WDR64: variants seen among roughly 807,000 people sequenced by gnomAD.
WDR64 encodes the protein WD repeat domain 64.
Under a neutral mutation model 139.3 loss-of-function variants are expected in WDR64, and 112 were observed. The observed-to-expected ratio is 0.80, with a 90% CI of 0.69 to 0.94. The LOEUF is 0.94. Ranked by LOEUF, WDR64 falls within the 40% of genes least tolerant of loss-of-function variation. The pLI is 0.00. For synonymous variants in WDR64, 444 were observed against 437.7 expected (o/e 1.01, Z -0.18); for missense variants, 1,206 against 1,293.1 (o/e 0.93, Z 1.03).
At chr1:241,716,203 A>G (rs537407908) in intron 9 of WDR64, among the ~76,000 whole-genome samples, 3 of 152,168 alleles carry the variant, frequency 2.0e-5, no homozygotes, top group African/African-American at 7.2e-5. Flanking sequence ...AATATACAAT[A>G]AAAGCAGCTT....
Position 241,659,484 on chromosome 1 carries a change from C to A in WDR64, c.146-1046C>A, listed in dbSNP as rs1014965115. ...CCTCTAGGTCTTTGAGGAATCACCA[C>A]ACTGTCTTCCACAATCGTTGAACTA... On this transcript the variant is annotated intron_variant, in intron 1 of 27. Transcript: ENST00000437684. 4.6e-5 allele frequency among the ~76,000 whole-genome samples: 7 copies of A among 152,222 alleles called. No individual in the cohort carries two copies. In the South Asian group the frequency reaches 1.2e-3, roughly 27 times the overall value.
chr1:241,707,687 G>A (rs1668003284), intron 8 of WDR64, among the ~76,000 whole-genome samples: 1 of 151,522 alleles, frequency 6.6e-6, no homozygotes, highest in Non-Finnish European at 1.5e-5. Flanking sequence ...TGTGCAGGCT[G>A]TGCCCCCCAC....
chr1:241,751,701 T>C (rs12131496), intron 14 of WDR64, among the ~76,000 whole-genome samples: 1,834 of 152,300 alleles, frequency 0.012, 22 homozygotes, highest in South Asian at 0.024. Context: ...AGAAAAACCC[T>C]TGTGCAACTG....
intron 9 of WDR64, among the ~76,000 whole-genome samples, chr1:241,721,066 G>A (rs1668590584): frequency 6.6e-6 from 1 of 152,140 alleles, no homozygotes; most frequent in Non-Finnish European, 1.5e-5. Flanking sequence ...TTTCCCCATT[G>A]CTTGTTTTGG....
chr1:241,782,407 CTAAA>C (rs1163612338), intron 22 of WDR64, among the ~76,000 whole-genome samples: 3 of 152,172 alleles, frequency 2.0e-5, no homozygotes, highest in Admixed American at 6.5e-5. Flanking sequence ...TTGTTAAAGC[CTAAA>C]TAAATAGAAG....
intron 6 of WDR64, among the ~76,000 whole-genome samples, chr1:241,682,852 C>A (rs1666861699): frequency 6.6e-6 from 1 of 152,188 alleles, no homozygotes; most frequent in Non-Finnish European, 1.5e-5. Flanking sequence ...AGTAGCTCTA[C>A]AAAGTCAGAA....
At chr1:241,766,738 G>A (rs992208157) in intron 16 of WDR64, among the ~76,000 whole-genome samples, 4 of 150,526 alleles carry the variant, frequency 2.7e-5, no homozygotes, top group Admixed American at 1.3e-4. Flanking sequence ...GGACAAAAAA[G>A]CAATACATAA....
At chr1:241,794,085 G>T (rs1484798947) in intron 25 of WDR64, among the ~76,000 whole-genome samples, 1 of 151,854 alleles carries the variant, frequency 6.6e-6, no homozygotes. Flanking sequence ...GGAGGCTGAG[G>T]CAGGAGAATC....
At chr1:241,696,750 A>G (rs987916639) in intron 8 of WDR64, among the ~76,000 whole-genome samples, 5 of 152,164 alleles carry the variant, frequency 3.3e-5, no homozygotes, top group Non-Finnish European at 7.4e-5. Flanking sequence ...TCTCATGGCC[A>G]TCTTGGGTTT....
intron 9 of WDR64, among the ~76,000 whole-genome samples, chr1:241,722,141 C>T (rs72768092): frequency 0.15 from 22,395 of 151,796 alleles, 2,079 homozygotes; most frequent in Middle Eastern, 0.33. Flanking sequence ...AATTTACAGA[C>T]GAAGAAGATA....
In WDR64 at chr1:241,656,955, G is replaced by A. The variant is rs554733884; in HGVS notation, c.146-3575G>A. On this transcript the variant is annotated intron_variant, in intron 1 of 27. Coordinates refer to ENST00000437684, the MANE Select transcript of WDR64 (RefSeq NM_001367482.1). The surrounding 1 kb of genome is among the most constrained non-coding windows in gnomAD (Gnocchi z 4.3). ...GAGGTGCAAAATCTCCCCTGCATAA[G>A]AACCACTGCTCTAGATTCCTGCCTT... 6.6e-6 allele frequency among the ~76,000 whole-genome samples: 1 copy of A among 150,930 alleles called. No individual in the cohort carries two copies. Among genetic ancestry groups the A allele is most frequent in the East Asian group, 2.0e-4 (1 of 5,116 alleles).
At chr1:241,675,062 T>TCCTTCCTGCCTCCCTC (rs1558465961) in intron 4 of WDR64, among the ~76,000 whole-genome samples, 2 of 14,412 alleles carry the variant, frequency 1.4e-4, no homozygotes, top group African/African-American at 5.0e-4. Context: ...TTTTCTCCCT[T>TCCTTCCTGCCTCCCTC]CCTCCTTCCT....
chr1:241,729,213 T>C (rs989221679), intron 10 of WDR64, among the ~76,000 whole-genome samples: 6 of 152,176 alleles, frequency 3.9e-5, no homozygotes, highest in African/African-American at 1.4e-4. Flanking sequence ...GTAAATTACC[T>C]CATTCTTCTT....
intron 4 of WDR64, among the ~76,000 whole-genome samples, chr1:241,676,732 T>TA (rs1201918477): frequency 7.0e-5 from 10 of 142,916 alleles, no homozygotes; most frequent in Non-Finnish European, 1.5e-4. Flanking sequence ...AAAAAATGGC[T>TA]AAAAAATTAA....
chr1:241,712,102 T>A (rs1668194145), intron 9 of WDR64, among the ~76,000 whole-genome samples: 1 of 152,214 alleles, frequency 6.6e-6, no homozygotes, highest in Non-Finnish European at 1.5e-5. Flanking sequence ...TTTACTAGAA[T>A]TTGTTCTTAC....
chr1:241,801,994 T>C lies in WDR64; in HGVS notation c.*779T>C, dbSNP rs924018626. 12 of 397,396 alleles carry C rather than the reference T, an allele frequency of 3.0e-5. No individual in the cohort carries two copies. The highest frequency in any genetic ancestry group is 4.4e-5 in the Non-Finnish European group (10 of 225,624). 24.6% of individuals were successfully genotyped at this position (397,396 alleles called of 1,614,324 possible). On this transcript the variant is annotated 3_prime_UTR_variant, in exon 28 of 28. Coordinates refer to ENST00000437684, the MANE Select transcript of WDR64 (RefSeq NM_001367482.1). ...TACAAGGACACCAAACTCTTAAAGATAAAAGAATGAAAAAAGATGTATGAT... is the reference window on the plus strand; with the variant it reads ...TACAAGGACACCAAACTCTTAAAGACAAAAGAATGAAAAAAGATGTATGAT...
chr1:241,775,221 A>C lies in WDR64; in HGVS notation c.2536+11A>C, dbSNP rs762555975. The stretch of plus-strand genomic sequence containing the variant: ...TGGCTGGAAATGTGGGTGAGTCATT[A>C]CTCTTAGACATTCAGTGACAGGTGT... On this transcript the variant is annotated intron_variant, in intron 21 of 27. Transcript: ENST00000437684. 5.8e-5 allele frequency: 90 copies of C among 1,542,160 alleles called. No individual in the cohort carries two copies. The highest frequency in any genetic ancestry group is 7.1e-5 in the Non-Finnish European group (81 of 1,142,594).
intron 27 of WDR64, among the ~76,000 whole-genome samples, chr1:241,800,435 C>A (rs1238987807): frequency 2.6e-5 from 4 of 152,040 alleles, no homozygotes; most frequent in Non-Finnish European, 5.9e-5. Flanking sequence ...ATTTTTAAAC[C>A]AAATTAGTTT....
chr1:241,683,343 T>C, intron 6 of WDR64, 144 bp from the exon 7 acceptor site: 1 of 742,742 alleles, frequency 1.3e-6, no homozygotes, highest in Non-Finnish European at 2.1e-6. Context: ...TTTGGTTAAC[T>C]GGTTTTTTTC....
Sources: gnomAD v4.1 joint callset for allele counts (sites outside exome capture counted in the v4.1 genomes callset) on GRCh38, gnomAD v4.1.1 for gene constraint, Gnocchi (gnomAD v3.1) non-coding constraint, MANE v1.5 for transcripts, NCBI Gene and HGNC (gene_info 2026-07-23, HGNC 2026-07-21) for gene names.